Variants in PTK2 observed in about 807,000 individuals in gnomAD.
PTK2 encodes the protein protein tyrosine kinase 2, also known as focal adhesion kinase 1.
Under a neutral mutation model 150.1 loss-of-function variants are expected in PTK2, and 45 were observed. The observed-to-expected ratio is 0.30, with a 90% confidence interval of 0.24 to 0.38. The LOEUF is 0.38. Ranked by LOEUF, PTK2 falls within the 10% of genes least tolerant of loss-of-function variation. The probability of loss-of-function intolerance (pLI) is 1.00; values close to 1 mark genes in which losing one functional copy is unlikely to be tolerated. For missense variants in PTK2, 919 were observed against 1,307.3 expected, an observed-to-expected ratio of 0.70 and a Z score of 4.58; for synonymous variants, 432 against 449.2, an observed-to-expected ratio of 0.96 and a Z score of 0.48.
chr8:140,847,166 T>C (rs2100126090), intron 5 of PTK2, among the ~76,000 whole-genome samples: 1 of 152,168 alleles, frequency 6.6e-6, no homozygotes, highest in Non-Finnish European at 1.5e-5. Flanking sequence ...GCAGATGTAT[T>C]TTCTGACCTC....
Position 140,980,408 on chromosome 8 carries a change from G to A in PTK2, c.-122+20717C>T, listed in dbSNP as rs537838792. On this transcript the variant is annotated intron_variant, in intron 1 of 31. Transcript: ENST00000522684. ...CGAAGCAGGCGGATTGGATCACGAG[G>A]TCAGGAGATCGAGACCATCCTGGCT... 8.5e-5 allele frequency among the ~76,000 whole-genome samples: 13 copies of A among 152,246 alleles called. No individual in the cohort carries two copies. In the East Asian group the frequency reaches 2.3e-3, roughly 27 times the overall value.
intron 1 of PTK2, among the ~76,000 whole-genome samples, chr8:140,934,092 A>T (rs1184238996): frequency 1.3e-5 from 2 of 152,224 alleles, no homozygotes; most frequent in Non-Finnish European, 2.9e-5. Flanking sequence ...AAACACAAAT[A>T]AATAACTAAA....
intron 4 of PTK2, 154 bp downstream of exon 4, chr8:140,879,317 C>T (rs1203496108): frequency 2.7e-6 from 2 of 728,460 alleles, no homozygotes; most frequent in East Asian, 6.0e-5. Flanking sequence ...TAGAAGAGAT[C>T]ATTCGTTAAT....
At chr8:140,920,197 T>C (rs181033108) in intron 2 of PTK2, among the ~76,000 whole-genome samples, 2 of 152,306 alleles carry the variant, frequency 1.3e-5, no homozygotes, top group Admixed American at 1.3e-4. Context: ...TTGCTTTTAG[T>C]CAAGCACCAA....
At chr8:140,767,518 C>T (rs376691220) in intron 14 of PTK2, among the ~76,000 whole-genome samples, 4 of 152,052 alleles carry the variant, frequency 2.6e-5, no homozygotes, top group East Asian at 1.9e-4. Context: ...CAGGTTCTTG[C>T]TCTGTCGCCT....
chr8:140,786,518 C>A (rs1357970880), intron 14 of PTK2, among the ~76,000 whole-genome samples: 6 of 152,044 alleles, frequency 3.9e-5, no homozygotes, highest in Non-Finnish European at 8.8e-5. Context: ...TCCTGGCCAG[C>A]TAGGCTTATC....
intron 2 of PTK2, among the ~76,000 whole-genome samples, chr8:140,906,369 A>G (rs751307916): frequency 1.3e-5 from 2 of 152,234 alleles, no homozygotes; most frequent in Non-Finnish European, 2.9e-5. Context: ...GGAAATCAGT[A>G]TATTGAAGTG....
At chr8:140,930,157 A>G (rs576927283) in intron 1 of PTK2, among the ~76,000 whole-genome samples, 2 of 152,348 alleles carry the variant, frequency 1.3e-5, no homozygotes, top group East Asian at 3.8e-4. Context: ...CACTGTTAAC[A>G]GCCTACATGT....
At chr8:140,810,262 C>T (rs908083319) in intron 10 of PTK2, among the ~76,000 whole-genome samples, 9 of 152,224 alleles carry the variant, frequency 5.9e-5, no homozygotes, top group South Asian at 2.1e-4. Context: ...GGTGCAGGAG[C>T]GTCTGTAGTG....
intron 5 of PTK2, among the ~76,000 whole-genome samples, chr8:140,863,060 T>C (rs113938513): frequency 1.8e-4 from 27 of 152,198 alleles, no homozygotes; most frequent in Non-Finnish European, 3.2e-4. Flanking sequence ...GTAACATCTA[T>C]CATTATCTCA....
At chr8:140,820,984 T>G (rs2100108223) in intron 8 of PTK2, 2 of 152,204 alleles carry the variant, frequency 1.3e-5, no homozygotes, top group Admixed American at 6.5e-5. Context: ...ATAGCCTGTC[T>G]GTAGTGGCTT....
intron 7 of PTK2, among the ~76,000 whole-genome samples, chr8:140,831,611 G>A (rs1284963231): frequency 1.3e-5 from 2 of 152,144 alleles, no homozygotes; most frequent in African/African-American, 2.4e-5. Flanking sequence ...TGGTAAATTC[G>A]AAACTGGTCT....
chr8:140,715,096 T>A (rs2100038885), intron 23 of PTK2, among the ~76,000 whole-genome samples: 1 of 148,430 alleles, frequency 6.7e-6, no homozygotes, highest in Non-Finnish European at 1.5e-5. Flanking sequence ...TATTTGTTAA[T>A]AATCATCAAG....
rs575415929 is a variant in PTK2, at chr8:140,830,717, T to C, written c.594-191A>G. ...GATGGGACAAATCATTTTCTAGATA[T>C]GTACTGGAAACATGAATACAAGTTG... On this transcript the variant is annotated intron_variant, in intron 7 of 31. Coordinates refer to ENST00000522684, the Ensembl canonical transcript of PTK2. Among the ~76,000 whole-genome samples, 120 of 152,330 alleles carry C rather than the reference T, an allele frequency of 7.9e-4. 3 individuals carry two copies. The highest frequency in any genetic ancestry group is 2.5e-4 in the Non-Finnish European group (17 of 68,014).
At chr8:140,861,853 G>A (rs2100136313) in intron 5 of PTK2, among the ~76,000 whole-genome samples, 1 of 152,190 alleles carries the variant, frequency 6.6e-6, no homozygotes, top group Non-Finnish European at 1.5e-5. Flanking sequence ...CTTAGTGAAT[G>A]CCTTGATCAG....
At chr8:140,812,095 A>G (rs2100101923) in intron 10 of PTK2, among the ~76,000 whole-genome samples, 1 of 152,184 alleles carries the variant, frequency 6.6e-6, no homozygotes, top group Admixed American at 6.5e-5. Flanking sequence ...CATTCCCAAG[A>G]CACATCATCA....
intron 1 of PTK2, among the ~76,000 whole-genome samples, chr8:140,983,344 G>A (rs1035797058): frequency 1.5e-5 from 2 of 129,938 alleles, no homozygotes; most frequent in Non-Finnish European, 3.1e-5. Context: ...CCAAGATCAT[G>A]CACTTCAGCC....
chr8:141,001,085 G>C (rs1410142732), intron 1 of PTK2, 40 bp downstream of exon 1: 3 of 151,468 alleles, frequency 2.0e-5, no homozygotes, highest in African/African-American at 4.8e-5. Flanking sequence ...AGCCCGCCCA[G>C]CCCCCGACCC....
chr8:140,806,414 G>A (rs1186177408), intron 10 of PTK2, among the ~76,000 whole-genome samples: 1 of 152,094 alleles, frequency 6.6e-6, no homozygotes, highest in East Asian at 1.9e-4. Context: ...GAGGATGTCG[G>A]AGGCGCCTTC....
Sources: gnomAD v4.1 joint callset for allele counts (sites outside exome capture counted in the v4.1 genomes callset) on GRCh38, gnomAD v4.1.1 for gene constraint, MANE v1.5 for transcripts, NCBI Gene and HGNC (gene_info 2026-07-23, HGNC 2026-07-21) for gene names.